Variants in SAP130 observed in about 807,000 individuals in gnomAD.
SAP130 encodes Sin3A associated protein 130.
In SAP130, 16 loss-of-function variants were observed where a neutral mutation model predicts 103.2. The ratio of observed to expected loss-of-function variants is 0.16; its 90% confidence interval spans 0.10 to 0.24. The LOEUF (loss-of-function observed/expected upper bound fraction) is 0.24. Among genes scored for constraint, SAP130 ranks in the 10% least tolerant of loss-of-function variants. SAP130 has a pLI of 1.00. For missense variants in SAP130, 990 were observed against 1,359.7 expected (o/e 0.73, Z 4.28); for synonymous variants, 477 against 497.0 (o/e 0.96, Z 0.53).
intron 15 of SAP130, among the ~76,000 whole-genome samples, chr2:127,974,730 T>C (rs1369270017): frequency 6.6e-6 from 1 of 152,106 alleles, no homozygotes; most frequent in Admixed American, 6.5e-5. Context: ...GGAGAATCGG[T>C]TGAACATGGG....
At chr2:128,015,679 T>C (rs1312565431) in intron 4 of SAP130, among the ~76,000 whole-genome samples, 7 of 152,132 alleles carry the variant, frequency 4.6e-5, no homozygotes, top group South Asian at 4.1e-4. Flanking sequence ...CGGTGGCTCA[T>C]GCCTGTAATC....
At chr2:128,008,937 A>C (rs902179104) in intron 7 of SAP130, among the ~76,000 whole-genome samples, 1 of 151,968 alleles carries the variant, frequency 6.6e-6, no homozygotes, top group Non-Finnish European at 1.5e-5. Flanking sequence ...CTCCTGCCTC[A>C]GCCTCCCAAA....
Position 127,989,436 on chromosome 2 carries a change from A to G in SAP130, c.1780+128T>C, listed in dbSNP as rs1682631860. On this transcript the variant is annotated intron_variant, in intron 13 of 20. Coordinates refer to ENST00000643581, the MANE Select transcript of SAP130 (RefSeq NM_001330301.2). This position sits in a 1 kb window ranked among gnomAD's most constrained non-coding sequence, Gnocchi z 4.6. ...AAACTCTAAGTTCTAAGCAACTCAT[A>G]TTATTAATACAAAGAAGAAAAGGCC... 1 of 819,504 alleles carries G rather than the reference A, an allele frequency of 1.2e-6. No individual in the cohort carries two copies. The highest frequency in any genetic ancestry group is 1.9e-6 in the Non-Finnish European group (1 of 530,246). The allele number at this position is 819,504 out of a possible 1,614,324, so 50.8% of individuals were successfully genotyped here. A position where few individuals can be genotyped will look rare whatever the true frequency, so the allele number is the denominator to read the frequency against.
At position 128,000,149 on chromosome 2, in the gene SAP130, G is replaced by A; in HGVS notation, c.1018-3C>T. The A allele has an allele frequency of 6.2e-7, 1 of 1,614,024 alleles. No individual in the cohort carries two copies. The highest frequency in any genetic ancestry group is 1.1e-5 in the South Asian group (1 of 91,076). On this transcript the variant is annotated splice_region_variant and splice_polypyrimidine_tract_variant and intron_variant, in intron 8 of 20. Transcript: ENST00000643581. ...GTGCCAGTACTGAAGATTGTTTTCTGTGAGGGAAACCCCACAACACAGTTA... is the reference window on the plus strand; with the variant it reads ...GTGCCAGTACTGAAGATTGTTTTCTATGAGGGAAACCCCACAACACAGTTA...
intron 15 of SAP130, 77 bp downstream of exon 15, chr2:127,977,908 G>T: frequency 1.9e-6 from 2 of 1,073,672 alleles, no homozygotes; most frequent in Non-Finnish European, 1.4e-6. Flanking sequence ...ACTATGTCAT[G>T]CAGGAATATT....
intron 2 of SAP130, among the ~76,000 whole-genome samples, chr2:128,019,808 G>T (rs1685029550): frequency 6.6e-6 from 1 of 151,890 alleles, no homozygotes; most frequent in African/African-American, 2.4e-5. Context: ...AATTGCTTGA[G>T]CCCGGGAGGT....
At chr2:127,960,495 T>A (rs1041853459) in intron 15 of SAP130, among the ~76,000 whole-genome samples, 1 of 152,232 alleles carries the variant, frequency 6.6e-6, no homozygotes, top group Non-Finnish European at 1.5e-5. Context: ...GAACTAGTGA[T>A]ATCTAGAAAA....
Position 127,979,607 on chromosome 2 carries a change from C to T in SAP130, c.1959-1518G>A, listed in dbSNP as rs910016161. ...TTCAAATAGATAATATAAAATATAACAAATTGTGTGACATTTCAGACCATT... is the reference window on the plus strand; with the variant it reads ...TTCAAATAGATAATATAAAATATAATAAATTGTGTGACATTTCAGACCATT... On this transcript the variant is annotated intron_variant, in intron 14 of 20. Transcript: ENST00000643581. 2.5e-5 allele frequency among the ~76,000 whole-genome samples: 3 copies of T among 120,698 alleles called. No homozygotes were observed. In the Admixed American group the frequency reaches 2.7e-4, roughly 11 times the overall value. 79.2% of individuals were successfully genotyped at this position (120,698 alleles called of 152,430 possible).
intron 15 of SAP130, among the ~76,000 whole-genome samples, chr2:127,957,674 TA>T (rs80302590): frequency 3.4e-3 from 477 of 140,882 alleles, no homozygotes; most frequent in South Asian, 4.1e-3. Context: ...CCCTGCCTCT[TA>T]AAAAAAAAAA....
intron 1 of SAP130, chr2:128,026,959 C>G: frequency 2.4e-6 from 2 of 849,426 alleles, no homozygotes; most frequent in South Asian, 5.1e-5. Flanking sequence ...CCCACCCCAC[C>G]GCGAAGCCCC....
chr2:128,002,569 G>T (rs768293923), intron 7 of SAP130, among the ~76,000 whole-genome samples: 12 of 151,828 alleles, frequency 7.9e-5, no homozygotes, highest in Admixed American at 3.3e-4. Context: ...ATATCAGCAG[G>T]AAGACATGAC....
chr2:127,949,749 G>T, intron 18 of SAP130, 120 bp downstream of exon 18: 1 of 1,060,838 alleles, frequency 9.4e-7, no homozygotes, highest in Non-Finnish European at 1.4e-6. Context: ...TCAAGATTTT[G>T]TAACAAAAAC....
Position 128,027,967 on chromosome 2 carries a change from G to T in SAP130, c.-34C>A. ...GGGTGCTGCGCCCAGTGGCCGCCGCGCCGCCTTGAGCTCGCTCCCGCGCGC... is the reference window on the plus strand; with the variant it reads ...GGGTGCTGCGCCCAGTGGCCGCCGCTCCGCCTTGAGCTCGCTCCCGCGCGC... On this transcript the variant is annotated 5_prime_UTR_variant, in exon 1 of 21. Transcript: ENST00000643581. 1 of 985,364 alleles carries T rather than the reference G, an allele frequency of 1.0e-6. No homozygotes were observed. The highest frequency in any genetic ancestry group is 1.2e-6 in the Non-Finnish European group (1 of 829,994). 61.0% of individuals were successfully genotyped at this position (985,364 alleles called of 1,614,324 possible). A position where few individuals can be genotyped will look rare whatever the true frequency, so the allele number is the denominator to read the frequency against.
chr2:127,965,839 ATAT>A (rs1020662558), intron 15 of SAP130, among the ~76,000 whole-genome samples: 82 of 151,814 alleles, frequency 5.4e-4, no homozygotes, highest in African/African-American at 1.5e-3. Context: ...AGGGAATTTA[ATAT>A]TATCTATTTC....
At chr2:128,003,075 G>A (rs1003951733) in intron 7 of SAP130, among the ~76,000 whole-genome samples, 1 of 152,062 alleles carries the variant, frequency 6.6e-6, no homozygotes, top group Admixed American at 6.5e-5. Flanking sequence ...GTTACAGTGA[G>A]CTGAGACTGT....
intron 2 of SAP130, among the ~76,000 whole-genome samples, chr2:128,023,381 G>C (rs923953970): frequency 6.6e-6 from 1 of 152,162 alleles, no homozygotes; most frequent in African/African-American, 2.4e-5. Flanking sequence ...AGCTCAAAGC[G>C]ATCCACCTGC....
intron 15 of SAP130, among the ~76,000 whole-genome samples, chr2:127,960,993 CTT>C (rs772565129): frequency 1.2e-4 from 17 of 137,170 alleles, no homozygotes; most frequent in Admixed American, 1.5e-4. Context: ...TTCTTTCTTT[CTT>C]TTTTTTTTTT....
intron 15 of SAP130, among the ~76,000 whole-genome samples, chr2:127,967,521 C>T (rs536425657): frequency 2.0e-5 from 3 of 152,306 alleles, no homozygotes; most frequent in Admixed American, 6.5e-5. Flanking sequence ...GCCTTAGCCT[C>T]CCGAGTAGCT....
intron 7 of SAP130, among the ~76,000 whole-genome samples, chr2:128,006,384 T>G (rs6430964): frequency 3.9e-5 from 6 of 152,090 alleles, no homozygotes; most frequent in Non-Finnish European, 8.8e-5. Context: ...AATTAAGATA[T>G]GACTTACATT....
Sources: allele counts gnomAD v4.1 joint callset (sites outside exome capture counted in the v4.1 genomes callset), GRCh38; gene constraint gnomAD v4.1.1; non-coding constraint Gnocchi (gnomAD v3.1); transcripts MANE v1.5; gene names NCBI Gene and HGNC (gene_info 2026-07-23, HGNC 2026-07-21).